Variants in HSPA4 observed in about 807,000 individuals in gnomAD.
HSPA4 encodes heat shock protein family A (Hsp70) member 4.
In HSPA4, 25 loss-of-function variants were observed where a neutral mutation model predicts 106.2. The observed-to-expected ratio is 0.24, with a 90% confidence interval of 0.17 to 0.33. HSPA4 has a LOEUF of 0.33. Among genes scored for constraint, HSPA4 ranks in the 10% least tolerant of loss-of-function variants. The probability of loss-of-function intolerance (pLI) is 1.00; values close to 1 mark genes in which losing one functional copy is unlikely to be tolerated. For missense variants in HSPA4, 841 were observed against 996.0 expected, an observed-to-expected ratio of 0.84 and a Z score of 2.10; for synonymous variants, 332 against 333.6, an observed-to-expected ratio of 1.00 and a Z score of 0.05.
At chr5:133,097,979 A>G (rs1212346992) in intron 15 of HSPA4, among the ~76,000 whole-genome samples, 1 of 150,554 alleles carries the variant, frequency 6.6e-6, no homozygotes, top group East Asian at 1.9e-4. Context: ...GATGAATTAT[A>G]TAGTGGTGAA....
Position 133,088,538 on chromosome 5 carries a change from C to G in HSPA4, c.1120C>G (p.Arg374Gly). 1 of 1,613,642 alleles carries G rather than the reference C, an allele frequency of 6.2e-7. No homozygotes were observed. Among genetic ancestry groups the G allele is most frequent in the Non-Finnish European group, 8.5e-7 (1 of 1,179,660 alleles). Residue 374 changes from arginine (R) to glycine (G), a missense_variant, in exon 9 of 19, where the codon CGA becomes GGA. Physicochemically the swap from Arg to Gly is moderately radical, Grantham distance 125. Around this residue, in one of 5 missense-constraint regions of HSPA4, gnomAD observed 162 missense variants for 177.7 expected, o/e 0.91. Transcript: ENST00000304858. Reference sequence around the variant, plus strand: ...ATTAAATGCTGATGAAGCTGTCACTCGAGGCTGTGCATTGCAGGTGAATAT... The same window carrying G: ...ATTAAATGCTGATGAAGCTGTCACTGGAGGCTGTGCATTGCAGGTGAATAT... Reference protein sequence around the residue: ...TTLNADEAVTRGCALQCAILS... With the variant: ...TTLNADEAVTGGCALQCAILS...
At chr5:133,085,185 A>G (rs1439345791) in intron 7 of HSPA4, among the ~76,000 whole-genome samples, 1 of 152,018 alleles carries the variant, frequency 6.6e-6, no homozygotes, top group African/African-American at 2.4e-5. Context: ...AGCAGCCATC[A>G]TCACAACTAA....
intron 11 of HSPA4, chr5:133,090,936 G>C (rs1469920277): frequency 2.1e-6 from 1 of 480,374 alleles, no homozygotes; most frequent in Non-Finnish European, 3.8e-6. Flanking sequence ...ATGGAAATAA[G>C]AAATTGGAAG....
rs1180015647 is a variant in HSPA4 at position 133,088,388 on chromosome 5, A to G, written c.986-16A>G. The G allele has an allele frequency of 1.2e-5, 19 of 1,545,928 alleles. No individual in the cohort carries two copies. The highest frequency in any genetic ancestry group is 1.7e-5 in the Non-Finnish European group (19 of 1,122,686). ...TTCATTTCATTAAAAAAATCTGTCT[A>G]ATTCTTTAAAAATAGAGTTAAAGAA... On this transcript the variant is annotated splice_polypyrimidine_tract_variant and intron_variant, in intron 8 of 18. Coordinates refer to ENST00000304858, the MANE Select transcript of HSPA4 (RefSeq NM_002154.4).
chr5:133,063,080 T>A (rs903899055), intron 1 of HSPA4, among the ~76,000 whole-genome samples: 2 of 151,408 alleles, frequency 1.3e-5, no homozygotes, highest in African/African-American at 4.8e-5. Context: ...TGCATGACCC[T>A]GGATAAATTT....
At chr5:133,060,068 C>CTTT (rs370182052) in intron 1 of HSPA4, among the ~76,000 whole-genome samples, 32,319 of 145,968 alleles carry the variant, frequency 0.22, 3,691 homozygotes, top group South Asian at 0.24. Context: ...ATCAGTTTTA[C>CTTT]TTTTTTTTTT....
At chr5:133,062,307 TAAAGGTTTGAA>T (rs533872950) in intron 1 of HSPA4, among the ~76,000 whole-genome samples, 28 of 152,234 alleles carry the variant, frequency 1.8e-4, no homozygotes, top group African/African-American at 6.5e-4. Context: ...TTTGAGGAGA[TAAAGGTTTGAA>T]AAAGGGCTGC....
At chr5:133,068,561 T>A (rs977295823) in intron 3 of HSPA4, among the ~76,000 whole-genome samples, 3 of 152,206 alleles carry the variant, frequency 2.0e-5, no homozygotes, top group African/African-American at 4.8e-5. Context: ...AAAGGTAGTC[T>A]GCTGTTGCAG....
chr5:133,065,069 A>G (rs1218667568), intron 2 of HSPA4, 32 bp downstream of exon 2: 1 of 1,572,956 alleles, frequency 6.4e-7, no homozygotes, highest in Admixed American at 1.7e-5. Flanking sequence ...AAAATGACTT[A>G]TTTCTCCTCT....
intron 13 of HSPA4, among the ~76,000 whole-genome samples, chr5:133,095,173 G>A (rs1247096060): frequency 1.3e-5 from 2 of 151,966 alleles, no homozygotes; most frequent in African/African-American, 4.8e-5. Context: ...AGCTGGGCAG[G>A]AGCCTGTAAT....
intron 1 of HSPA4, among the ~76,000 whole-genome samples, chr5:133,054,335 TG>T (rs937695463): frequency 3.8e-4 from 58 of 152,226 alleles, no homozygotes; most frequent in African/African-American, 1.4e-3. Flanking sequence ...CCCGAGTAGC[TG>T]GGATTACAGG....
rs117408810 is a variant in HSPA4 at position 133,104,576 on chromosome 5, A to C, written c.*140A>C. The C allele has an allele frequency of 5.4e-3, 3,673 of 682,708 alleles. 93 individuals are homozygous for C. The highest frequency in any genetic ancestry group is 0.01 in the East Asian group (373 of 36,746). The allele number at this position is 682,708 out of a possible 1,614,324, so 42.3% of individuals were successfully genotyped here. On this transcript the variant is annotated 3_prime_UTR_variant, in exon 19 of 19. Coordinates refer to ENST00000304858, the MANE Select transcript of HSPA4 (RefSeq NM_002154.4). Reference sequence around the variant, plus strand: ...GGATTTTCGGGGAGGGGAAATAGGTAATGTATGGAGCATTTTCACTTCTAA... The same window carrying C: ...GGATTTTCGGGGAGGGGAAATAGGTCATGTATGGAGCATTTTCACTTCTAA...
intron 1 of HSPA4, among the ~76,000 whole-genome samples, chr5:133,057,992 G>T (rs977682587): frequency 3.3e-5 from 5 of 152,224 alleles, no homozygotes; most frequent in Admixed American, 6.5e-5. Context: ...GATGTAAGCA[G>T]TGGAGGCTAA....
At chr5:133,085,586 G>C (rs1166381335) in intron 7 of HSPA4, among the ~76,000 whole-genome samples, 2 of 151,962 alleles carry the variant, frequency 1.3e-5, no homozygotes, top group Non-Finnish European at 2.9e-5. Context: ...CTTGAACCCG[G>C]AAGGTGGAGG....
chr5:133,091,332 TGAG>T lies in HSPA4; in HGVS notation c.1522_1524del (p.Glu508del), dbSNP rs1561584664. The stretch of plus-strand genomic sequence containing the variant: ...TGGAGGTTCACAAGTCTGAGGAAAA[TGAG>T]GAGCCAATGGAAACAGATCAGAATG... On this transcript the variant is annotated inframe_deletion, in exon 12 of 19. Transcript: ENST00000304858. 13 of 1,613,834 alleles carry T rather than the reference TGAG, an allele frequency of 8.1e-6. No homozygotes were observed. The highest frequency in any genetic ancestry group is 1.1e-5 in the Non-Finnish European group (13 of 1,179,928).
rs1022868665 is a variant in HSPA4 at position 133,097,247 on chromosome 5, C to T, written c.1890C>T (p.Asp630=). Reference sequence around the variant, plus strand: ...AGGAATATGTGTATGAAATGAGAGACAAGCTTAGTGGTGAATATGAGAAGT... The same window carrying T: ...AGGAATATGTGTATGAAATGAGAGATAAGCTTAGTGGTGAATATGAGAAGT... ...AVEEYVYEMR[D]KLSGEYEKFV... is the part of the protein sequence containing the mutation. The change falls in exon 15 of 19, where the codon GAC becomes GAT. Residue 630 remains aspartate, a synonymous_variant. Transcript: ENST00000304858. The T allele has an allele frequency of 8.7e-6, 14 of 1,612,842 alleles. No homozygotes were observed. In the African/African-American group the frequency reaches 1.3e-4, roughly 15 times the overall value.
At chr5:133,082,482 T>C (rs572695445) in intron 7 of HSPA4, among the ~76,000 whole-genome samples, 32 of 152,196 alleles carry the variant, frequency 2.1e-4, no homozygotes, top group Non-Finnish European at 3.2e-4. Context: ...TTATTTCTTT[T>C]TGAAACAAGT....
At chr5:133,101,110 A>G (rs1765779697) in intron 16 of HSPA4, among the ~76,000 whole-genome samples, 1 of 152,226 alleles carries the variant, frequency 6.6e-6, no homozygotes, top group Non-Finnish European at 1.5e-5. Context: ...CTGACCAAGC[A>G]CATCTTAATA....
intron 13 of HSPA4, among the ~76,000 whole-genome samples, chr5:133,095,320 A>G (rs1283781459): frequency 6.6e-6 from 1 of 152,196 alleles, no homozygotes; most frequent in Non-Finnish European, 1.5e-5. Context: ...AAACAAAAAA[A>G]ACTAGAAGAG....
Sources: allele counts gnomAD v4.1 joint callset (sites outside exome capture counted in the v4.1 genomes callset), GRCh38; gene constraint gnomAD v4.1.1; regional missense constraint gnomAD v4.1.1; transcripts MANE v1.5; gene names NCBI Gene and HGNC (gene_info 2026-07-23, HGNC 2026-07-21).